The following HTR3B variants were observed in gnomAD, a reference collection of about 807,000 sequenced individuals.
The protein encoded by HTR3B is 5-hydroxytryptamine receptor 3B, also known as 5-hydroxytryptamine (serotonin) receptor 3B, ionotropic.
Under a neutral mutation model 42.8 loss-of-function variants are expected in HTR3B, and 44 were observed. The observed-to-expected ratio is 1.03, with a 90% CI of 0.81 to 1.32. HTR3B has a LOEUF of 1.32. HTR3B is among the 40% of genes most tolerant of loss of function. HTR3B has a pLI of 0.00. For missense variants in HTR3B, 527 were observed against 536.5 expected, an observed-to-expected ratio of 0.98 and a Z score of 0.17; for synonymous variants, 203 against 209.0, an observed-to-expected ratio of 0.97 and a Z score of 0.25.
chr11:113,906,949 C>A lies in HTR3B; in HGVS notation c.52+1964C>A, dbSNP rs1243245567. 3.9e-5 allele frequency among the ~76,000 whole-genome samples: 6 copies of A among 152,214 alleles called. No homozygotes were observed. The South Asian group carries it at 6.2e-4, about 16-fold the overall frequency. ...TACATAAATCTCATTTCCTTTTAACCTCTCAGATATATGTGTAACTCTCTT... is the reference window on the plus strand; with the variant it reads ...TACATAAATCTCATTTCCTTTTAACATCTCAGATATATGTGTAACTCTCTT... On this transcript the variant is annotated intron_variant, in intron 1 of 8. Coordinates refer to ENST00000260191, the MANE Select transcript of HTR3B (RefSeq NM_006028.5).
intron 2 of HTR3B, among the ~76,000 whole-genome samples, chr11:113,928,929 G>T (rs1486314343): frequency 6.6e-6 from 1 of 152,138 alleles, no homozygotes; most frequent in African/African-American, 2.4e-5. Context: ...TGGACACTTG[G>T]GTTGATTCTA....
intron 2 of HTR3B, among the ~76,000 whole-genome samples, chr11:113,927,302 A>G (rs1949984845): frequency 6.6e-6 from 1 of 152,198 alleles, no homozygotes; most frequent in Non-Finnish European, 1.5e-5. Context: ...TACTGAGGTT[A>G]AACATTTTCA....
chr11:113,927,729 A>T (rs576022335), intron 2 of HTR3B, among the ~76,000 whole-genome samples: 1 of 151,900 alleles, frequency 6.6e-6, no homozygotes, highest in African/African-American at 2.4e-5. Flanking sequence ...AGCCCGGCTA[A>T]TTTTTGTATT....
intron 5 of HTR3B, 100 bp downstream of exon 5, chr11:113,932,558 C>A: frequency 9.2e-7 from 1 of 1,086,160 alleles, no homozygotes; most frequent in Non-Finnish European, 1.3e-6. Flanking sequence ...AGATAATTGG[C>A]TATTTAAAAA....
Position 113,942,931 on chromosome 11 carries a change from G to T in HTR3B, c.697-51G>T, listed in dbSNP as rs144621710. ...CCTGGCTATGAATTTGGCCAAATCT[G>T]AGTCTGTTGGCCTAGATCCTCTTTT... On this transcript the variant is annotated intron_variant, in intron 6 of 8. Coordinates refer to ENST00000260191, the MANE Select transcript of HTR3B (RefSeq NM_006028.5). The T allele has an allele frequency of 2.5e-3, 3,848 of 1,539,000 alleles. 15 individuals are homozygous for T. The highest frequency in any genetic ancestry group is 6.8e-3 in the South Asian group (607 of 88,678).
Position 113,948,341 on chromosome 11 carries a change from G to A in HTR3B, c.*2204G>A, listed in dbSNP as rs1329737526. ...AAAGGCCTGAGGTGAACTCCTCACT[G>A]TGGGGTCTCTCTCCTTCCCAACTAT... is the stretch of plus-strand genomic sequence containing the variant. On this transcript the variant is annotated 3_prime_UTR_variant, in exon 9 of 9. Coordinates refer to ENST00000260191, the MANE Select transcript of HTR3B (RefSeq NM_006028.5). Among the ~76,000 whole-genome samples the A allele has an allele frequency of 6.6e-6, 1 of 152,186 alleles. No individual in the cohort carries two copies. Among genetic ancestry groups the A allele is most frequent in the African/African-American group, 2.4e-5 (1 of 41,436 alleles).
chr11:113,930,720 G>T (rs1311544499), intron 2 of HTR3B, among the ~76,000 whole-genome samples: 1 of 151,976 alleles, frequency 6.6e-6, no homozygotes, highest in Non-Finnish European at 1.5e-5. Context: ...AAACTCCGGG[G>T]CTCAGGCAAT....
chr11:113,943,254 T>G, intron 7 of HTR3B, 62 bp downstream of exon 7: 2 of 1,359,250 alleles, frequency 1.5e-6, no homozygotes, highest in Non-Finnish European at 2.1e-6. Flanking sequence ...GATCTAATGC[T>G]GGCCAGGCAT....
chr11:113,908,867 T>G (rs1339714521), intron 1 of HTR3B: 1 of 191,344 alleles, frequency 5.2e-6, no homozygotes, highest in Non-Finnish European at 1.1e-5. Flanking sequence ...TGCTTGATTT[T>G]TCTATTGAAT....
chr11:113,928,846 C>T (rs1950002863), intron 2 of HTR3B, among the ~76,000 whole-genome samples: 1 of 152,146 alleles, frequency 6.6e-6, no homozygotes, highest in Non-Finnish European at 1.5e-5. Context: ...TGTAGAATTT[C>T]CTTCCTTTCT....
chr11:113,923,592 T>C (rs531985633), intron 2 of HTR3B, among the ~76,000 whole-genome samples: 1 of 152,324 alleles, frequency 6.6e-6, no homozygotes, highest in African/African-American at 2.4e-5. Flanking sequence ...ATTATCTGTA[T>C]ATTTGCTAAC....
rs1297562016 is a variant in HTR3B, at chr11:113,948,045, A to C, written c.*1908A>C. Among the ~76,000 whole-genome samples the C allele has an allele frequency of 6.6e-6, 1 of 151,676 alleles. No homozygotes were observed. The highest frequency in any genetic ancestry group is 1.5e-5 in the Non-Finnish European group (1 of 67,970). On this transcript the variant is annotated 3_prime_UTR_variant, in exon 9 of 9. Transcript: ENST00000260191. ...CCTTTACCTGCATCTTCCCTCTCTCATTACCTCCCAGTTAGTGCTCAGCGC... is the reference window on the plus strand; with the variant it reads ...CCTTTACCTGCATCTTCCCTCTCTCCTTACCTCCCAGTTAGTGCTCAGCGC...
intron 2 of HTR3B, among the ~76,000 whole-genome samples, chr11:113,918,535 T>C (rs1949879365): frequency 6.6e-6 from 1 of 152,110 alleles, no homozygotes; most frequent in Non-Finnish European, 1.5e-5. Context: ...GCTTTTTTCC[T>C]TTAGCATAAT....
chr11:113,934,807 C>T (rs769214911), intron 6 of HTR3B, among the ~76,000 whole-genome samples: 27 of 150,816 alleles, frequency 1.8e-4, no homozygotes, highest in South Asian at 4.2e-4. Flanking sequence ...GGAGTAAACA[C>T]CTCATTAATT....
intron 1 of HTR3B, among the ~76,000 whole-genome samples, chr11:113,905,906 T>G (rs568686227): frequency 6.6e-6 from 1 of 152,194 alleles, no homozygotes; most frequent in South Asian, 2.1e-4. Context: ...AGTATAAAAA[T>G]CCTGGATGTT....
At chr11:113,928,442 G>A (rs1970047081) in intron 2 of HTR3B, among the ~76,000 whole-genome samples, 1 of 152,162 alleles carries the variant, frequency 6.6e-6, no homozygotes, top group South Asian at 2.1e-4. Flanking sequence ...CCTCATTTAA[G>A]TGGAATCAGG....
Position 113,931,243 on chromosome 11 carries a change from TGAA to T in HTR3B, c.214-138_214-136del, listed in dbSNP as rs1950031712. On this transcript the variant is annotated intron_variant, in intron 2 of 8. Coordinates refer to ENST00000260191, the MANE Select transcript of HTR3B (RefSeq NM_006028.5). The stretch of plus-strand genomic sequence containing the variant: ...GTAAGAACTGAGAATGCCTAGGTAT[TGAA>T]GAGTCTAGGTAATGTTTTTAATATC... The T allele has an allele frequency of 9.7e-6, 6 of 621,336 alleles. No homozygotes were observed. In the South Asian group the frequency reaches 1.2e-4, roughly 12 times the overall value. The allele number at this position is 621,336 out of a possible 1,614,324, so 38.5% of individuals were successfully genotyped here. A position where few individuals can be genotyped will look rare whatever the true frequency, so the allele number is the denominator to read the frequency against.
intron 2 of HTR3B, among the ~76,000 whole-genome samples, chr11:113,926,414 A>G (rs186983980): frequency 4.0e-5 from 6 of 151,222 alleles, no homozygotes; most frequent in African/African-American, 1.5e-4. Flanking sequence ...TATGATAAAT[A>G]TATGTTTAAT....
chr11:113,931,312 C>T, intron 2 of HTR3B, 72 bp from the exon 3 acceptor site: 1 of 1,071,126 alleles, frequency 9.3e-7, no homozygotes, highest in Non-Finnish European at 1.4e-6. Flanking sequence ...TTCTGAATTT[C>T]CTTACTGCTG....
Sources: gnomAD v4.1 joint callset for allele counts (sites outside exome capture counted in the v4.1 genomes callset) on GRCh38, gnomAD v4.1.1 for gene constraint, MANE v1.5 for transcripts, NCBI Gene and HGNC (gene_info 2026-07-23, HGNC 2026-07-21) for gene names.